DNAH9: variants seen among roughly 807,000 people sequenced by gnomAD.
DNAH9 encodes dynein axonemal heavy chain 9.
Under a neutral mutation model 471.6 loss-of-function variants are expected in DNAH9, and 345 were observed. The ratio of observed to expected loss-of-function variants is 0.73; its 90% CI spans 0.67 to 0.80. The LOEUF (loss-of-function observed/expected upper bound fraction) is 0.80. Ranked by LOEUF, DNAH9 falls within the 30% of genes least tolerant of loss-of-function variation. The pLI is 0.00. For missense variants in DNAH9, 5,407 were observed against 5,609.2 expected (o/e 0.96, Z 1.15); for synonymous variants, 2,093 against 2,123.6 (o/e 0.99, Z 0.40).
At chr17:11,603,926 C>A (rs1396570829) in intron 1 of DNAH9, among the ~76,000 whole-genome samples, 1 of 152,140 alleles carries the variant, frequency 6.6e-6, no homozygotes, top group Non-Finnish European at 1.5e-5. Context: ...TCCTCTCTTC[C>A]TGGAAACGCT....
rs1973078954 is a variant in DNAH9 at position 11,892,360 on chromosome 17, G to A, written c.11283+413G>A. ...TTTACCTTTAGACTGCAAGTTTACT[G>A]ATGCAGCCATCCCCCGGGATAAGAA... On this transcript the variant is annotated intron_variant, in intron 58 of 68. Coordinates refer to ENST00000262442, the MANE Select transcript of DNAH9 (RefSeq NM_001372.4). This position sits in a 1 kb window ranked among gnomAD's most constrained non-coding sequence, Gnocchi z 4.3. Among the ~76,000 whole-genome samples, 1 of 152,152 alleles carries A rather than the reference G, an allele frequency of 6.6e-6. No individual in the cohort carries two copies. The highest frequency in any genetic ancestry group is 1.5e-5 in the Non-Finnish European group (1 of 68,028).
rs1397500697 is a variant in DNAH9, at chr17:11,651,212, CA to C, written c.2243del (p.Lys748ArgfsTer3). On this transcript the variant is annotated frameshift_variant, in exon 13 of 69. Transcript: ENST00000262442. LOFTEE classifies it high-confidence loss of function. ...TAGAGTTGATGGCAAATTGGTACAA[CA>C]AGGTTATGAAAACTCTGCTGGAGGT... ...NLELMANWYN[K>X]VMKTLLEVEF... 6.2e-7 allele frequency: 1 copy of C among 1,614,002 alleles called. No homozygotes were observed. The highest frequency in any genetic ancestry group is 8.5e-7 in the Non-Finnish European group (1 of 1,180,000).
At chr17:11,705,344 A>T in intron 26 of DNAH9, 159 bp downstream of exon 26, 2 of 623,050 alleles carry the variant, frequency 3.2e-6, no homozygotes, top group East Asian at 5.5e-5. Flanking sequence ...AACTGAAAGG[A>T]TGTAGGGCAG....
chr17:11,907,892 T>G (rs1384729425), intron 61 of DNAH9, among the ~76,000 whole-genome samples: 1 of 152,230 alleles, frequency 6.6e-6, no homozygotes, highest in Non-Finnish European at 1.5e-5. Context: ...TACTTCTCAT[T>G]TCCTAGTAAT....
intron 36 of DNAH9, among the ~76,000 whole-genome samples, chr17:11,764,030 G>A (rs965257333): frequency 2.0e-5 from 3 of 152,138 alleles, no homozygotes; most frequent in African/African-American, 4.8e-5. Flanking sequence ...GAACAAGGAT[G>A]TACCACTCCC....
intron 58 of DNAH9, among the ~76,000 whole-genome samples, chr17:11,893,107 A>C (rs538192243): frequency 1.4e-3 from 198 of 136,664 alleles, no homozygotes; most frequent in African/African-American, 4.9e-3. Context: ...TTCATGGGTG[A>C]GTGTTGCTTT....
At chr17:11,852,854 ATATATATG>A in intron 49 of DNAH9, among the ~76,000 whole-genome samples, 1 of 136,074 alleles carries the variant, frequency 7.3e-6, no homozygotes, top group South Asian at 2.4e-4. Context: ...ATATATATAT[ATATATATG>A]AAAGTGTGTA....
At chr17:11,661,894 C>T (rs2073771942) in intron 14 of DNAH9, among the ~76,000 whole-genome samples, 1 of 152,102 alleles carries the variant, frequency 6.6e-6, no homozygotes, top group Non-Finnish European at 1.5e-5. Context: ...CTCACATACT[C>T]ATCATCTTCA....
At chr17:11,601,618 G>GTCCA (rs1350818151) in intron 1 of DNAH9, among the ~76,000 whole-genome samples, 3 of 152,016 alleles carry the variant, frequency 2.0e-5, no homozygotes, top group Admixed American at 2.0e-4. Context: ...TCCACTTTCT[G>GTCCA]TCCATCCATC....
At chr17:11,930,213 T>G in intron 63 of DNAH9, 120 bp downstream of exon 63, 1 of 852,796 alleles carries the variant, frequency 1.2e-6, no homozygotes, top group Non-Finnish European at 1.8e-6. Flanking sequence ...TACGGAGCAA[T>G]GCTGATGTGG....
At chr17:11,648,860 T>C (rs2073444491) in intron 12 of DNAH9, among the ~76,000 whole-genome samples, 1 of 152,074 alleles carries the variant, frequency 6.6e-6, no homozygotes, top group South Asian at 2.1e-4. Context: ...GCGTGGTGGC[T>C]CACACCTATA....
intron 50 of DNAH9, among the ~76,000 whole-genome samples, chr17:11,856,974 A>G (rs1280417330): frequency 6.6e-6 from 1 of 152,010 alleles, no homozygotes; most frequent in Non-Finnish European, 1.5e-5. Context: ...TTGGCCTCCC[A>G]AAGAGCTAGG....
chr17:11,907,712 T>G (rs1169717506), intron 61 of DNAH9, among the ~76,000 whole-genome samples: 1 of 152,040 alleles, frequency 6.6e-6, no homozygotes, highest in African/African-American at 2.4e-5. Context: ...GGAGGAGAGA[T>G]AAAGCTAACT....
chr17:11,759,860 G>A (rs957015024), intron 35 of DNAH9, among the ~76,000 whole-genome samples: 7 of 151,966 alleles, frequency 4.6e-5, no homozygotes, highest in Non-Finnish European at 5.9e-5. Flanking sequence ...CTAATATTTT[G>A]TATTTTTAGT....
chr17:11,956,475 T>C (rs1415453821), intron 67 of DNAH9, among the ~76,000 whole-genome samples: 1 of 152,108 alleles, frequency 6.6e-6, no homozygotes, highest in East Asian at 1.9e-4. Context: ...TTGGCAAAAT[T>C]ATCAACCAAC....
intron 56 of DNAH9, 29 bp from the exon 57 acceptor site, chr17:11,886,796 C>T (rs950204822): frequency 1.3e-6 from 2 of 1,593,504 alleles, no homozygotes; most frequent in African/African-American, 1.3e-5. Flanking sequence ...TTGGTTGGAA[C>T]AGTGGGCTGC....
At chr17:11,953,756 C>CAAAAA (rs34905733) in intron 67 of DNAH9, 1 of 84,522 alleles carries the variant, frequency 1.2e-5, no homozygotes, top group African/African-American at 4.5e-5. Flanking sequence ...GACTCCAGCT[C>CAAAAA]AAAAAAAAAA....
At position 11,871,771 on chromosome 17, in the gene DNAH9, C is replaced by T; in HGVS notation, c.10227C>T (p.Tyr3409=). 16 of 1,614,080 alleles carry T rather than the reference C, an allele frequency of 9.9e-6. No homozygotes were observed. The highest frequency in any genetic ancestry group is 1.4e-5 in the Non-Finnish European group (16 of 1,179,936). Reference sequence around the variant, plus strand: ...TCCTGGACAGAACTTGGAGGCCCTACCTGAGCCAGCTGAAAGTACGTATGG... The same window carrying T: ...TCCTGGACAGAACTTGGAGGCCCTATCTGAGCCAGCTGAAAGTACGTATGG... ...QSLLDRTWRP[Y]LSQLKTPIPV... Residue 3409 remains tyrosine, a synonymous_variant, in exon 52 of 69, where the codon TAC becomes TAT. Transcript: ENST00000262442.
intron 22 of DNAH9, among the ~76,000 whole-genome samples, chr17:11,699,201 A>G (rs2150769861): frequency 6.6e-6 from 1 of 152,220 alleles, no homozygotes. Flanking sequence ...GTGAGCCAAG[A>G]TTGCGCCACT....
Sources: gnomAD v4.1 joint callset for allele counts (sites outside exome capture counted in the v4.1 genomes callset) on GRCh38, gnomAD v4.1.1 for gene constraint, Gnocchi (gnomAD v3.1) non-coding constraint, MANE v1.5 for transcripts, NCBI Gene and HGNC (gene_info 2026-07-23, HGNC 2026-07-21) for gene names.